The following GSE1 variants were observed in gnomAD, a reference collection of about 807,000 sequenced individuals.
GSE1 encodes Gse1 coiled-coil protein.
GSE1 carries 32 observed loss-of-function variants against 112.6 expected under a neutral mutation model. The observed-to-expected ratio is 0.28, with a 90% CI of 0.21 to 0.38. The LOEUF (loss-of-function observed/expected upper bound fraction) is 0.38, where lower values mean the gene tolerates loss of function less well. GSE1 is among the 10% of genes least tolerant of loss of function. The pLI, the probability that GSE1 is intolerant of heterozygous loss-of-function variation, is 1.00. For missense variants in GSE1, 2,348 were observed against 1,699.2 expected (o/e 1.38, Z -6.71); for synonymous variants, 1,115 against 735.6 (o/e 1.52, Z -8.35).
At chr16:85,273,262 G>A (rs898693060) in intron 1 of GSE1, among the ~76,000 whole-genome samples, 13 of 152,178 alleles carry the variant, frequency 8.5e-5, no homozygotes, top group African/African-American at 2.4e-5. Context: ...TTGAGTCAGC[G>A]CAACATCCAC....
chr16:85,521,288 G>A (rs1477959944), intron 2 of GSE1, among the ~76,000 whole-genome samples: 1 of 152,220 alleles, frequency 6.6e-6, no homozygotes, highest in Non-Finnish European at 1.5e-5. Context: ...GTGACCCTGT[G>A]CCTGTACTTA....
intron 1 of GSE1, among the ~76,000 whole-genome samples, chr16:85,216,046 G>A (rs1342810036): frequency 6.6e-6 from 1 of 152,190 alleles, no homozygotes; most frequent in East Asian, 1.9e-4. Flanking sequence ...CAGGAGTTGG[G>A]GAGGGGCAAG....
rs546955206 is a variant in GSE1, at chr16:85,278,026, C to T, written c.2284-79437C>T. Among the ~76,000 whole-genome samples, 5 of 152,368 alleles carry T rather than the reference C, an allele frequency of 3.3e-5. No homozygotes were observed. The South Asian group carries it at 8.3e-4, about 25-fold the overall frequency. On this transcript the variant is annotated intron_variant, in intron 1 of 2. Transcript: ENST00000637419. ...CCATTGAGAGCAGTCACAATATTGG[C>T]GGCATGTGTCCCAACCGTATCGTCC...
intron 15 of GSE1, among the ~76,000 whole-genome samples, chr16:85,671,598 A>T (rs1464108081): frequency 1.3e-5 from 2 of 152,148 alleles, no homozygotes; most frequent in East Asian, 3.8e-4. Flanking sequence ...TGGTTGACAG[A>T]GCAAGACCAC....
chr16:85,512,286 G>T (rs749909485), intron 2 of GSE1, among the ~76,000 whole-genome samples: 16 of 152,186 alleles, frequency 1.1e-4, no homozygotes, highest in Admixed American at 5.2e-4. Flanking sequence ...AACACAGCAG[G>T]TGGCTGTGAA....
intron 1 of GSE1, among the ~76,000 whole-genome samples, chr16:85,621,086 G>A (rs1410502968): frequency 6.6e-6 from 1 of 151,980 alleles, no homozygotes; most frequent in Non-Finnish European, 1.5e-5. Context: ...CTGGATCTCT[G>A]CACTGTTGGG....
intron 2 of GSE1, among the ~76,000 whole-genome samples, chr16:85,500,334 A>G (rs935161380): frequency 4.6e-5 from 7 of 152,198 alleles, no homozygotes; most frequent in African/African-American, 1.7e-4. Flanking sequence ...GGTGCTGGCT[A>G]ATTTGTTTTC....
At chr16:85,410,976 CAG>C (rs2048517160) in intron 2 of GSE1, among the ~76,000 whole-genome samples, 1 of 99,858 alleles carries the variant, frequency 1.0e-5, no homozygotes, top group Non-Finnish European at 1.8e-5. Flanking sequence ...CTGTTACACT[CAG>C]GGCCCCCCGG....
chr16:85,594,681 C>G (rs1316028440), intron 1 of GSE1: 1 of 152,254 alleles, frequency 6.6e-6, no homozygotes, highest in East Asian at 1.9e-4. Context: ...GTTTCTTCCT[C>G]TGTAACACAG....
intron 2 of GSE1, among the ~76,000 whole-genome samples, chr16:85,492,637 G>T (rs1394978797): frequency 1.3e-5 from 2 of 152,180 alleles, no homozygotes; most frequent in Admixed American, 1.3e-4. Context: ...AAGTGGCAGA[G>T]GTTGGATTTC....
chr16:85,334,215 A>ACCTTGCAGGAGTCGAGCTGGTCCAT (rs1445950184), intron 1 of GSE1, among the ~76,000 whole-genome samples: 9 of 152,160 alleles, frequency 5.9e-5, no homozygotes, highest in Non-Finnish European at 1.2e-4. Flanking sequence ...CTGCCCACGG[A>ACCTTGCAGGAGTCGAGCTGGTCCAT]CCTTGCAGGA....
chr16:85,457,373 C>T (rs2151816210), intron 2 of GSE1, among the ~76,000 whole-genome samples: 1 of 152,316 alleles, frequency 6.6e-6, no homozygotes, highest in Non-Finnish European at 1.5e-5. Flanking sequence ...GTCAGCCTGG[C>T]CATGAGTCCC....
At position 85,674,252 on chromosome 16, in the gene GSE1, C is replaced by G. The variant is rs2053558914; in HGVS notation, c.*1713C>G. 1.3e-5 allele frequency: 2 copies of G among 152,310 alleles called. No individual in the cohort carries two copies. The highest frequency in any genetic ancestry group is 4.1e-4 in the South Asian group (2 of 4,838). 9.4% of individuals were successfully genotyped at this position (152,310 alleles called of 1,614,324 possible). A position where few individuals can be genotyped will look rare whatever the true frequency, so the allele number is the denominator to read the frequency against. On this transcript the variant is annotated 3_prime_UTR_variant, in exon 16 of 16. Coordinates refer to ENST00000253458, the MANE Select transcript of GSE1 (RefSeq NM_014615.5). The stretch of plus-strand genomic sequence containing the variant: ...GCTGCGCAGAACAGCTTGCTGGCAG[C>G]TGGCATCGTGTCGCTTTATCTGCCC...
At chr16:85,640,682 G>C (rs140867392) in intron 2 of GSE1, among the ~76,000 whole-genome samples, 8 of 152,350 alleles carry the variant, frequency 5.3e-5, no homozygotes, top group South Asian at 2.1e-4. Context: ...CGGCCTGGGC[G>C]GGGGAGAGGC....
At chr16:85,615,094 C>T (rs184701224) in intron 1 of GSE1, among the ~76,000 whole-genome samples, 1 of 152,328 alleles carries the variant, frequency 6.6e-6, no homozygotes, top group East Asian at 1.9e-4. Flanking sequence ...TGGCCTCCCT[C>T]GGTGTTGCTT....
intron 2 of GSE1, among the ~76,000 whole-genome samples, chr16:85,379,401 T>A (rs1299587545): frequency 6.6e-6 from 1 of 152,262 alleles, no homozygotes; most frequent in South Asian, 2.1e-4. Flanking sequence ...TTGTCAGATG[T>A]AGAAGGGAGA....
chr16:85,467,360 G>A (rs1161041990), intron 2 of GSE1, among the ~76,000 whole-genome samples: 2 of 152,244 alleles, frequency 1.3e-5, no homozygotes, highest in East Asian at 3.8e-4. Flanking sequence ...GCCAGCTATT[G>A]CTATGTAACA....
At chr16:85,622,388 A>C (rs930277486) in intron 1 of GSE1, among the ~76,000 whole-genome samples, 8 of 151,650 alleles carry the variant, frequency 5.3e-5, no homozygotes, top group Middle Eastern at 3.4e-3. Flanking sequence ...TTCTTTTTCC[A>C]CCCTGTATTT....
intron 1 of GSE1, among the ~76,000 whole-genome samples, chr16:85,355,418 C>T (rs2046931833): frequency 6.6e-6 from 1 of 152,152 alleles, no homozygotes; most frequent in Non-Finnish European, 1.5e-5. Flanking sequence ...ACACCCAGGG[C>T]TCTGAAGCCT....
Sources: allele counts gnomAD v4.1 joint callset (sites outside exome capture counted in the v4.1 genomes callset), GRCh38; gene constraint gnomAD v4.1.1; transcripts MANE v1.5; gene names NCBI Gene and HGNC (gene_info 2026-07-23, HGNC 2026-07-21).